Variants in TTBK1 observed in about 807,000 individuals in gnomAD.
TTBK1 encodes the protein tau-tubulin kinase 1.
TTBK1 carries 34 observed loss-of-function variants against 108.5 expected under a neutral mutation model. The observed-to-expected ratio is 0.31, with a 90% CI of 0.24 to 0.42. The LOEUF (loss-of-function observed/expected upper bound fraction) is 0.42, where lower values mean the gene tolerates loss of function less well. Among genes scored for constraint, TTBK1 ranks in the 10% least tolerant of loss-of-function variants. The pLI, the probability that TTBK1 is intolerant of heterozygous loss-of-function variation, is 1.00. For missense variants in TTBK1, 1,539 were observed against 1,826.0 expected, an observed-to-expected ratio of 0.84 and a Z score of 2.86; for synonymous variants, 809 against 795.1, an observed-to-expected ratio of 1.02 and a Z score of -0.29.
chr6:43,251,684 G>C (rs1194231457), intron 2 of TTBK1, among the ~76,000 whole-genome samples: 1 of 152,168 alleles, frequency 6.6e-6, no homozygotes, highest in Non-Finnish European at 1.5e-5. Flanking sequence ...TCTCACGCCT[G>C]CTTTGGGAGG....
In TTBK1 at chr6:43,283,066, G is replaced by A; in HGVS notation, c.2326G>A (p.Val776Ile). ...EEEEEEAAAA[V>I]ALGEVLGPRS... ...AGAGGAGGAGGAGGCTGCAGCGGCA[G>A]TTGCCTTGGGGGAGGTGCTGGGGCC... is the stretch of plus-strand genomic sequence containing the variant. The change falls in exon 14 of 15, where the codon GTT (valine) becomes ATT (isoleucine). Residue 776 changes from valine to isoleucine, a missense_variant. Val to Ile is a conservative substitution (Grantham distance 29). Around this residue, in one of 5 missense-constraint regions of TTBK1, gnomAD observed 1,055 missense variants for 1,086.5 expected, o/e 0.97. Coordinates refer to ENST00000259750, the MANE Select transcript of TTBK1 (RefSeq NM_032538.3). This position sits in a 1 kb window ranked among gnomAD's most constrained non-coding sequence, Gnocchi z 8.1. The A allele has an allele frequency of 6.3e-7, 1 of 1,588,530 alleles. No homozygotes were observed. Among genetic ancestry groups the A allele is most frequent in the Non-Finnish European group, 8.6e-7 (1 of 1,167,672 alleles).
intron 13 of TTBK1, among the ~76,000 whole-genome samples, chr6:43,268,401 C>A (rs1298637177): frequency 6.6e-6 from 1 of 152,170 alleles, no homozygotes; most frequent in East Asian, 1.9e-4. Flanking sequence ...CAAAGCCAGT[C>A]CTATTAGAAT....
At position 43,263,481 on chromosome 6, in the gene TTBK1, G is replaced by T; in HGVS notation, c.1986+131G>T. 1 of 935,952 alleles carries T rather than the reference G, an allele frequency of 1.1e-6. No homozygotes were observed. Among genetic ancestry groups the T allele is most frequent in the East Asian group, 2.9e-5 (1 of 34,908 alleles). The allele number at this position is 935,952 out of a possible 1,614,324, so 58.0% of individuals were successfully genotyped here. A position where few individuals can be genotyped will look rare whatever the true frequency, so the allele number is the denominator to read the frequency against. On this transcript the variant is annotated intron_variant, in intron 13 of 14. Coordinates refer to ENST00000259750, the MANE Select transcript of TTBK1 (RefSeq NM_032538.3). The surrounding 1 kb of genome is among the most constrained non-coding windows in gnomAD (Gnocchi z 4.7). ...CAGTCACAGGGCTGTGATGGAGGTA[G>T]ACAGGCTTAAGGGTCTGAAACCATG...
Position 43,273,422 on chromosome 6 carries a change from G to A in TTBK1, c.1987-9305G>A, listed in dbSNP as rs1414591462. ...AATGGCTGGACCCTGTCTCTCCAGA[G>A]ACCTCCAACCCCTCAATCCCACATG... On this transcript the variant is annotated intron_variant, in intron 13 of 14. Transcript: ENST00000259750. The surrounding 1 kb of genome is among the most constrained non-coding windows in gnomAD (Gnocchi z 4.2). Among the ~76,000 whole-genome samples the A allele has an allele frequency of 6.6e-6, 1 of 152,164 alleles. No homozygotes were observed. The highest frequency in any genetic ancestry group is 1.5e-5 in the Non-Finnish European group (1 of 68,042).
chr6:43,275,154 G>A (rs1266704385), intron 13 of TTBK1, among the ~76,000 whole-genome samples: 1 of 152,132 alleles, frequency 6.6e-6, no homozygotes, highest in Non-Finnish European at 1.5e-5. Flanking sequence ...CGGCCGGGAG[G>A]GCACGAGGAC....
chr6:43,260,615 A>G (rs1050999167), intron 12 of TTBK1, among the ~76,000 whole-genome samples: 2 of 152,164 alleles, frequency 1.3e-5, no homozygotes, highest in African/African-American at 4.8e-5. Flanking sequence ...CTCTCCCTGG[A>G]GACGGAGAAA....
chr6:43,288,102 TA>T lies in TTBK1; in HGVS notation c.*2728del. ...GAATGTTTACATGCCAAACAGAATG[TA>T]ACACCCCTCCCCAAGCCCTTCCCAG... On this transcript the variant is annotated 3_prime_UTR_variant, in exon 15 of 15. Coordinates refer to ENST00000259750, the MANE Select transcript of TTBK1 (RefSeq NM_032538.3). This position sits in a 1 kb window ranked among gnomAD's most constrained non-coding sequence, Gnocchi z 4.4. 1 of 152,732 alleles carries T rather than the reference TA, an allele frequency of 6.5e-6. No individual in the cohort carries two copies. The highest frequency in any genetic ancestry group is 2.1e-4 in the South Asian group (1 of 4,820). 9.5% of individuals were successfully genotyped at this position (152,732 alleles called of 1,614,324 possible).
In TTBK1 at chr6:43,273,384, TG is replaced by T. The variant is rs1163970114; in HGVS notation, c.1987-9339del. Among the ~76,000 whole-genome samples the T allele has an allele frequency of 6.6e-6, 1 of 152,154 alleles. No homozygotes were observed. The highest frequency in any genetic ancestry group is 2.4e-5 in the African/African-American group (1 of 41,432). On this transcript the variant is annotated intron_variant, in intron 13 of 14. Coordinates refer to ENST00000259750, the MANE Select transcript of TTBK1 (RefSeq NM_032538.3). The surrounding 1 kb of genome is among the most constrained non-coding windows in gnomAD (Gnocchi z 4.2). ...CCAGATGGGAGTCACTCCAGAGTAC[TG>T]GGGTTGGTTAAAATGGCTGGACCCT...
chr6:43,255,249 G>T, intron 7 of TTBK1, 135 bp downstream of exon 7: 1 of 833,180 alleles, frequency 1.2e-6, no homozygotes, highest in East Asian at 2.7e-5. Context: ...ACCCTGGGCT[G>T]GAGGAAGGCC....
In TTBK1 at chr6:43,269,959, C is replaced by T. The variant is rs537134771; in HGVS notation, c.1986+6609C>T. The T allele has an allele frequency of 1.9e-4, 279 of 1,434,460 alleles. No individual in the cohort carries two copies. Among genetic ancestry groups the T allele is most frequent in the East Asian group, 5.4e-4 (21 of 38,892 alleles). The allele number at this position is 1,434,460 out of a possible 1,614,324, so 88.9% of individuals were successfully genotyped here. A position where few individuals can be genotyped will look rare whatever the true frequency, so the allele number is the denominator to read the frequency against. Reference sequence around the variant, plus strand: ...TTCACCCACAAGACCTAGGCTGGGCCCCCCCCCTCCTGGAGGGGGCAGGTG... The same window carrying T: ...TTCACCCACAAGACCTAGGCTGGGCTCCCCCCCTCCTGGAGGGGGCAGGTG... On this transcript the variant is annotated intron_variant, in intron 13 of 14. Coordinates refer to ENST00000259750, the MANE Select transcript of TTBK1 (RefSeq NM_032538.3). This position sits in a 1 kb window ranked among gnomAD's most constrained non-coding sequence, Gnocchi z 4.8.
rs1582526317 is a variant in TTBK1 at position 43,283,897 on chromosome 6, A to G, written c.3157A>G (p.Arg1053Gly). 6.2e-7 allele frequency: 1 copy of G among 1,612,058 alleles called. No homozygotes were observed. Among genetic ancestry groups the G allele is most frequent in the Non-Finnish European group, 8.5e-7 (1 of 1,178,700 alleles). The change falls in exon 14 of 15, where the codon AGG becomes GGG. Residue 1053 changes from arginine to glycine, a missense_variant. Coordinates refer to ENST00000259750, the MANE Select transcript of TTBK1 (RefSeq NM_032538.3). This position sits in a 1 kb window ranked among gnomAD's most constrained non-coding sequence, Gnocchi z 8.1. ...CCATGCTATGCCAGGCTCTCGCCCC[A>G]GGAGCCGTATCCCTGTCCTGCTCTC... ...RRHAMPGSRP[R>G]SRIPVLLSEE... is the part of the protein sequence containing the mutation.
At position 43,259,464 on chromosome 6, in the gene TTBK1, C is replaced by A. The variant is rs1235767210; in HGVS notation, c.1249-67C>A. The A allele has an allele frequency of 1.4e-6, 2 of 1,464,978 alleles. No homozygotes were observed. The highest frequency in any genetic ancestry group is 1.8e-6 in the Non-Finnish European group (2 of 1,093,142). 90.7% of individuals were successfully genotyped at this position (1,464,978 alleles called of 1,614,324 possible). ...CATCATCATCCTCTGTCTCCTTCAC[C>A]CTGAGGAGACCATCCGCCCACAGCC... On this transcript the variant is annotated intron_variant, in intron 11 of 14. Transcript: ENST00000259750. This position sits in a 1 kb window ranked among gnomAD's most constrained non-coding sequence, Gnocchi z 6.7.
chr6:43,280,104 G>GCATCACCCCCACCA (rs1373057307), intron 13 of TTBK1, among the ~76,000 whole-genome samples: 3 of 149,630 alleles, frequency 2.0e-5, no homozygotes, highest in African/African-American at 7.3e-5. Flanking sequence ...GCTGGAATCT[G>GCATCACCCCCACCA]AAGCTATCTT....
intron 13 of TTBK1, among the ~76,000 whole-genome samples, chr6:43,264,935 GA>G (rs1456058768): frequency 6.6e-6 from 1 of 152,186 alleles, no homozygotes; most frequent in Non-Finnish European, 1.5e-5. Context: ...GAAGGGCAGG[GA>G]GGGGCCAGAT....
Position 43,253,830 on chromosome 6 carries a change from T to A in TTBK1, c.471+122T>A, listed in dbSNP as rs1777314309. 5 of 1,307,828 alleles carry A rather than the reference T, an allele frequency of 3.8e-6. No individual in the cohort carries two copies. The African/African-American group carries it at 7.4e-5, about 19-fold the overall frequency. 81.0% of individuals were successfully genotyped at this position (1,307,828 alleles called of 1,614,324 possible). On this transcript the variant is annotated intron_variant, in intron 5 of 14. Transcript: ENST00000259750. This position sits in a 1 kb window ranked among gnomAD's most constrained non-coding sequence, Gnocchi z 5.8. ...TGGGACTTGTGATGGGACAGCCTCT[T>A]CTCCCCAAGCCCCTCCTGCTCTCCT...
In TTBK1 at chr6:43,254,513, G is replaced by T. The variant is rs527950443; in HGVS notation, c.472-34G>T. The T allele has an allele frequency of 9.3e-6, 14 of 1,501,844 alleles. No homozygotes were observed. In the South Asian group the frequency reaches 1.8e-4, roughly 19 times the overall value. 93.0% of individuals were successfully genotyped at this position (1,501,844 alleles called of 1,614,324 possible). A position where few individuals can be genotyped will look rare whatever the true frequency, so the allele number is the denominator to read the frequency against. The stretch of plus-strand genomic sequence containing the variant: ...CTTGAGGTGGCCCAGCTGGGGTTGG[G>T]GCCCCCAGAGCTCACAGCTGCTGTC... On this transcript the variant is annotated intron_variant, in intron 5 of 14. Coordinates refer to ENST00000259750, the MANE Select transcript of TTBK1 (RefSeq NM_032538.3).
At chr6:43,272,207 C>T (rs2756187) in intron 13 of TTBK1, 51,442 of 985,384 alleles carry the variant, frequency 0.052, 1,460 homozygotes, top group East Asian at 0.14. Context: ...AGGGCCCCCC[C>T]ACCCAATCTG....
intron 2 of TTBK1, among the ~76,000 whole-genome samples, chr6:43,251,794 C>T (rs1416540669): frequency 6.6e-6 from 1 of 152,228 alleles, no homozygotes; most frequent in Non-Finnish European, 1.5e-5. Flanking sequence ...AGAGGAGGCT[C>T]ATCCTGGTTG....
chr6:43,275,638 G>A (rs1220889801), intron 13 of TTBK1, among the ~76,000 whole-genome samples: 2 of 150,684 alleles, frequency 1.3e-5, no homozygotes, highest in Admixed American at 1.3e-4. Flanking sequence ...ATGCCAAAGA[G>A]CCCAGAGTTG....
Sources: gnomAD v4.1 joint callset for allele counts (sites outside exome capture counted in the v4.1 genomes callset) on GRCh38, gnomAD v4.1.1 for gene constraint, gnomAD v4.1.1 regional missense constraint, Gnocchi (gnomAD v3.1) non-coding constraint, MANE v1.5 for transcripts, NCBI Gene and HGNC (gene_info 2026-07-23, HGNC 2026-07-21) for gene names.